LRRC72: variants seen among roughly 807,000 people sequenced by gnomAD.
LRRC72 encodes the protein leucine rich repeat containing 72.
Under a neutral mutation model 35.8 loss-of-function variants are expected in LRRC72, and 41 were observed. The ratio of observed to expected loss-of-function variants is 1.15; its 90% CI spans 0.89 to 1.49. The LOEUF (loss-of-function observed/expected upper bound fraction) is 1.49. LRRC72 is among the 40% of genes most tolerant of loss of function. The pLI, the probability that LRRC72 is intolerant of heterozygous loss-of-function variation, is 0.00. For missense variants in LRRC72, 389 were observed against 330.7 expected, an observed-to-expected ratio of 1.18 and a Z score of -1.37; for synonymous variants, 118 against 119.2, an observed-to-expected ratio of 0.99 and a Z score of 0.07.
chr7:16,564,389 A>AAAATCTGTCCTTG (rs60438288), intron 5 of LRRC72, among the ~76,000 whole-genome samples: 3 of 151,890 alleles, frequency 2.0e-5, no homozygotes, highest in African/African-American at 7.3e-5. Flanking sequence ...TGGCTCTTTT[A>AAAATCTGTCCTTG]TTAGTGGTTT....
At chr7:16,579,046 T>C (rs752770939) in intron 7 of LRRC72, among the ~76,000 whole-genome samples, 1 of 152,208 alleles carries the variant, frequency 6.6e-6, no homozygotes, top group Non-Finnish European at 1.5e-5. Context: ...AGATCTTATA[T>C]GATGTGACTA....
chr7:16,550,079 T>A (rs1354034204), intron 3 of LRRC72, among the ~76,000 whole-genome samples: 4 of 151,980 alleles, frequency 2.6e-5, no homozygotes, highest in African/African-American at 9.7e-5. Context: ...ATTAGTCATG[T>A]ATGGTGGTGT....
chr7:16,527,345 T>A (rs1031999328), intron 1 of LRRC72, among the ~76,000 whole-genome samples: 3 of 152,154 alleles, frequency 2.0e-5, no homozygotes, highest in African/African-American at 7.2e-5. Flanking sequence ...ACCAGTAGAC[T>A]TACACTGACC....
At position 16,561,596 on chromosome 7, in the gene LRRC72, A is replaced by G. The variant is rs140516024; in HGVS notation, c.427+2597A>G. ...CAATAGTTTACGACCACTACTTAAAATCACAGTGACGTATTTCAAGTTACA... is the reference window on the plus strand; with the variant it reads ...CAATAGTTTACGACCACTACTTAAAGTCACAGTGACGTATTTCAAGTTACA... On this transcript the variant is annotated intron_variant, in intron 5 of 8. Coordinates refer to ENST00000401542, the MANE Select transcript of LRRC72 (RefSeq NM_001195280.2). Among the ~76,000 whole-genome samples the G allele has an allele frequency of 9.2e-3, 1,398 of 152,294 alleles. 21 individuals carry two copies. Among genetic ancestry groups the G allele is most frequent in the Admixed American group, 9.5e-3 (146 of 15,294 alleles).
At chr7:16,550,640 T>C (rs1228185737) in intron 3 of LRRC72, among the ~76,000 whole-genome samples, 3 of 152,240 alleles carry the variant, frequency 2.0e-5, no homozygotes, top group African/African-American at 4.8e-5. Flanking sequence ...TTGTTACTTA[T>C]CAGCTTTTCT....
At position 16,542,966 on chromosome 7, in the gene LRRC72, C is replaced by G. The variant is rs531073029; in HGVS notation, c.234+5270C>G. ...CGTGTAGTACTGAAAGGATTTCATACCCAAAACAGCTTCTGAGTGGTTATG... is the reference window on the plus strand; with the variant it reads ...CGTGTAGTACTGAAAGGATTTCATAGCCAAAACAGCTTCTGAGTGGTTATG... On this transcript the variant is annotated intron_variant, in intron 3 of 8. Coordinates refer to ENST00000401542, the MANE Select transcript of LRRC72 (RefSeq NM_001195280.2). Among the ~76,000 whole-genome samples, 21 of 152,238 alleles carry G rather than the reference C, an allele frequency of 1.4e-4. No homozygotes were observed. In the East Asian group the frequency reaches 4.1e-3, roughly 29 times the overall value.
chr7:16,568,809 A>T lies in LRRC72; in HGVS notation c.670+1266A>T, dbSNP rs73078942. On this transcript the variant is annotated intron_variant, in intron 7 of 8. Transcript: ENST00000401542. Reference sequence around the variant, plus strand: ...TGACCTACAAAAGAATAACACAGAGATTCACAACAGACTCTCCAACTACAA... The same window carrying T: ...TGACCTACAAAAGAATAACACAGAGTTTCACAACAGACTCTCCAACTACAA... Among the ~76,000 whole-genome samples, 455 of 152,340 alleles carry T rather than the reference A, an allele frequency of 3.0e-3. 1 individual carries two copies. The highest frequency in any genetic ancestry group is 2.9e-3 in the Non-Finnish European group (200 of 68,036).
chr7:16,540,169 A>G (rs1782332767), intron 3 of LRRC72, among the ~76,000 whole-genome samples: 2 of 152,220 alleles, frequency 1.3e-5, no homozygotes, highest in South Asian at 4.1e-4. Flanking sequence ...AGAGCTGCCC[A>G]AGGCCATAGG....
intron 3 of LRRC72, among the ~76,000 whole-genome samples, 157 bp from the exon 4 acceptor site, chr7:16,557,203 C>T (rs965417713): frequency 6.6e-6 from 1 of 151,988 alleles, no homozygotes; most frequent in Non-Finnish European, 1.5e-5. Context: ...TAACTTACAG[C>T]CAGACCAAAA....
intron 1 of LRRC72, among the ~76,000 whole-genome samples, chr7:16,531,180 CAAAA>C (rs1239439988): frequency 3.4e-5 from 4 of 117,584 alleles, no homozygotes; most frequent in Admixed American, 8.9e-5. Flanking sequence ...AAAACTCTCT[CAAAA>C]AAAAAAAAAA....
chr7:16,570,802 C>A (rs1178468982), intron 7 of LRRC72, among the ~76,000 whole-genome samples: 1 of 152,100 alleles, frequency 6.6e-6, no homozygotes, highest in African/African-American at 2.4e-5. Context: ...CAGAACGAGA[C>A]CCTCTCTCAA....
chr7:16,562,750 T>C (rs538811668), intron 5 of LRRC72, among the ~76,000 whole-genome samples: 6 of 152,184 alleles, frequency 3.9e-5, no homozygotes, highest in Non-Finnish European at 8.8e-5. Context: ...TTTCCTATAA[T>C]GCCCTTCCAG....
rs1583633608 is a variant in LRRC72, at chr7:16,531,417, C to T, written c.91-1078C>T. ...AGGACTATACATTTGCAGCTGCTCTCCATCACTAGCGTACCTATCTTCCTC... is the reference window on the plus strand; with the variant it reads ...AGGACTATACATTTGCAGCTGCTCTTCATCACTAGCGTACCTATCTTCCTC... On this transcript the variant is annotated intron_variant, in intron 1 of 8. Coordinates refer to ENST00000401542, the MANE Select transcript of LRRC72 (RefSeq NM_001195280.2). Among the ~76,000 whole-genome samples the T allele has an allele frequency of 1.3e-5, 2 of 152,240 alleles. 1 individual carries two copies. The highest frequency in any genetic ancestry group is 4.1e-4 in the South Asian group (2 of 4,826).
chr7:16,566,406 A>C lies in LRRC72; in HGVS notation c.517+4A>C. On this transcript the variant is annotated splice_donor_region_variant and intron_variant, in intron 6 of 8. Coordinates refer to ENST00000401542, the MANE Select transcript of LRRC72 (RefSeq NM_001195280.2). ...GTGGAGCTGCTTGACCGAAATCGTA[A>C]GGACCCTTCCTTCTTGCAAAGAAAT... 1 of 1,532,544 alleles carries C rather than the reference A, an allele frequency of 6.5e-7. No individual in the cohort carries two copies. The highest frequency in any genetic ancestry group is 8.8e-7 in the Non-Finnish European group (1 of 1,136,570). 94.9% of individuals were successfully genotyped at this position (1,532,544 alleles called of 1,614,324 possible).
At position 16,526,962 on chromosome 7, in the gene LRRC72, G is replaced by GC; in HGVS notation, c.10_11insC (p.Asp4AlafsTer30). The GC allele has an allele frequency of 1.3e-6, 2 of 1,539,776 alleles. No individual in the cohort carries two copies. The highest frequency in any genetic ancestry group is 1.7e-6 in the Non-Finnish European group (2 of 1,146,934). On this transcript the variant is annotated frameshift_variant, in exon 1 of 9. Transcript: ENST00000401542. LOFTEE classifies it high-confidence loss of function. ...CCGCCCATGTGTCCTGATGTCCTGG[G>GC]ACCCGAACCCCGTGCCCCGTACCTT... is the stretch of plus-strand genomic sequence containing the variant.
At chr7:16,569,657 A>T (rs1782908279) in intron 7 of LRRC72, among the ~76,000 whole-genome samples, 1 of 152,132 alleles carries the variant, frequency 6.6e-6, no homozygotes, top group South Asian at 2.1e-4. Context: ...AAGCAAAAAG[A>T]ATTATAACCC....
rs1478166729 is a variant in LRRC72 at position 16,580,093 on chromosome 7, T to C, written c.690T>C (p.Asn230=). The change falls in exon 8 of 9, where the codon AAT becomes AAC. Residue 230 remains asparagine (N), a synonymous_variant. Coordinates refer to ENST00000401542, the MANE Select transcript of LRRC72 (RefSeq NM_001195280.2). ...RVPSDFAFAN[N]VDKTVLDDPE... ...TTTTAGATTTTGCATTTGCAAATAA[T>C]GTAGACAAGTAAGTAATTTTATCTA... 4.8e-6 allele frequency: 2 copies of C among 415,514 alleles called. No individual in the cohort carries two copies. The highest frequency in any genetic ancestry group is 8.5e-6 in the Non-Finnish European group (2 of 234,158). The allele number at this position is 415,514 out of a possible 1,614,324, so 25.7% of individuals were successfully genotyped here.
intron 4 of LRRC72, among the ~76,000 whole-genome samples, chr7:16,558,161 A>T (rs1782682868): frequency 6.6e-6 from 1 of 152,240 alleles, no homozygotes; most frequent in African/African-American, 2.4e-5. Context: ...TTAGCTATGC[A>T]ATTTGGAGGA....
intron 3 of LRRC72, among the ~76,000 whole-genome samples, chr7:16,549,358 T>A (rs1266273582): frequency 6.6e-6 from 1 of 152,186 alleles, no homozygotes; most frequent in African/African-American, 2.4e-5. Context: ...ATAGATATTA[T>A]GGAGCTTGAG....
Sources: allele counts gnomAD v4.1 joint callset (sites outside exome capture counted in the v4.1 genomes callset), GRCh38; gene constraint gnomAD v4.1.1; transcripts MANE v1.5; gene names NCBI Gene and HGNC (gene_info 2026-07-23, HGNC 2026-07-21).